Variants in MGA observed in about 807,000 individuals in gnomAD.
The protein encoded by MGA is MAX gene-associated protein.
In MGA, 40 loss-of-function variants were observed where a neutral mutation model predicts 261.1. The observed-to-expected ratio is 0.15, with a 90% CI of 0.12 to 0.20. The LOEUF (loss-of-function observed/expected upper bound fraction) is 0.20. Ranked by LOEUF, MGA falls within the 10% of genes least tolerant of loss-of-function variation. The pLI, the probability that MGA is intolerant of heterozygous loss-of-function variation, is 1.00. For synonymous variants in MGA, 1,302 were observed against 1,290.6 expected, an observed-to-expected ratio of 1.01 and a Z score of -0.19; for missense variants, 3,397 against 3,630.5, an observed-to-expected ratio of 0.94 and a Z score of 1.65.
In MGA at chr15:41,742,962, A is replaced by G. The variant is rs1595937527; in HGVS notation, c.5002A>G (p.Thr1668Ala). The stretch of plus-strand genomic sequence containing the variant: ...CCTTACCAAAACCACTGGGATAACT[A>G]CCCCTGTGGCTTCAGTTGCTTTTCC... Residue 1668 changes from threonine to alanine, a missense_variant, in exon 15 of 24, where the codon ACC (threonine) becomes GCC (alanine). Coordinates refer to ENST00000219905, the MANE Select transcript of MGA (RefSeq NM_001164273.2). 1.9e-6 allele frequency: 3 copies of G among 1,613,790 alleles called. No individual in the cohort carries two copies. The highest frequency in any genetic ancestry group is 2.5e-6 in the Non-Finnish European group (3 of 1,179,858).
At chr15:41,722,365 G>A (rs918015637) in intron 9 of MGA, among the ~76,000 whole-genome samples, 6 of 152,004 alleles carry the variant, frequency 3.9e-5, no homozygotes, top group Admixed American at 3.9e-4. Context: ...TGCTGACCTC[G>A]TGATCCGCCT....
At chr15:41,640,276 A>G (rs778035596) in intron 1 of MGA, among the ~76,000 whole-genome samples, 3 of 152,172 alleles carry the variant, frequency 2.0e-5, no homozygotes, top group African/African-American at 4.8e-5. Context: ...ATACAGCAGC[A>G]GGAAGAAGGA....
rs2063920032 is a variant in MGA at position 41,768,824 on chromosome 15, T to C, written c.*1544T>C. On this transcript the variant is annotated 3_prime_UTR_variant, in exon 24 of 24. Transcript: ENST00000219905. ...TGGATTGGATCTAGCCAGTGAATTATTATTTCCATGGTTGGTTCCCTTTCT... is the reference window on the plus strand; with the variant it reads ...TGGATTGGATCTAGCCAGTGAATTACTATTTCCATGGTTGGTTCCCTTTCT... The C allele has an allele frequency of 6.6e-6, 1 of 152,406 alleles. No individual in the cohort carries two copies. The highest frequency in any genetic ancestry group is 1.5e-5 in the Non-Finnish European group (1 of 68,032). The allele number at this position is 152,406 out of a possible 1,614,324, so 9.4% of individuals were successfully genotyped here.
intron 2 of MGA, among the ~76,000 whole-genome samples, chr15:41,685,130 T>C (rs1322877712): frequency 6.6e-6 from 1 of 152,234 alleles, no homozygotes; most frequent in Non-Finnish European, 1.5e-5. Context: ...TCTTGAATTA[T>C]TAATAATTTT....
chr15:41,756,369 T>C (rs2063148974), intron 18 of MGA, among the ~76,000 whole-genome samples: 1 of 152,198 alleles, frequency 6.6e-6, no homozygotes, highest in Non-Finnish European at 1.5e-5. Context: ...ACAGTGACTT[T>C]ACCAATTCAC....
rs2151913901 is a variant in MGA at position 41,749,266 on chromosome 15, C to T, written c.5659C>T (p.Leu1887Phe). Residue 1887 changes from leucine to phenylalanine, a missense_variant, in exon 17 of 24, where the codon CTT becomes TTT. Leu to Phe is a conservative substitution (Grantham distance 22, BLOSUM62 0). Around this residue, in one of 9 missense-constraint regions of MGA, gnomAD observed 1,410 missense variants for 1,386.4 expected, o/e 1.02. Transcript: ENST00000219905. ...TGTTATCACTCAGGCACCATCATTGCTTTCCTCTGGAGCTAGTTTTGTGTC... is the reference window on the plus strand; with the variant it reads ...TGTTATCACTCAGGCACCATCATTGTTTTCCTCTGGAGCTAGTTTTGTGTC... 6.2e-7 allele frequency: 1 copy of T among 1,614,040 alleles called. No individual in the cohort carries two copies. Among genetic ancestry groups the T allele is most frequent in the South Asian group, 1.1e-5 (1 of 91,082 alleles).
At chr15:41,627,573 T>C (rs929038818) in intron 1 of MGA, among the ~76,000 whole-genome samples, 1 of 152,248 alleles carries the variant, frequency 6.6e-6, no homozygotes, top group African/African-American at 2.4e-5. Context: ...TTTGCTTTTC[T>C]ATAGCTAATA....
rs541263144 is a variant in MGA, at chr15:41,714,006, T to C, written c.3430+510T>C. On this transcript the variant is annotated intron_variant, in intron 9 of 23. Coordinates refer to ENST00000219905, the MANE Select transcript of MGA (RefSeq NM_001164273.2). ...TTTTTTTTGGTGGGAGAGGATAAAATATGATGTAGATGTAGACCCAAGTTA... is the reference window on the plus strand; with the variant it reads ...TTTTTTTTGGTGGGAGAGGATAAAACATGATGTAGATGTAGACCCAAGTTA... Among the ~76,000 whole-genome samples the C allele has an allele frequency of 4.6e-5, 7 of 152,270 alleles. No individual in the cohort carries two copies. The South Asian group carries it at 1.5e-3, about 32-fold the overall frequency.
chr15:41,742,558 C>T lies in MGA; in HGVS notation c.4598C>T (p.Ser1533Phe), dbSNP rs2062178985. The change falls in exon 15 of 24, where the codon TCT (serine) becomes TTT (phenylalanine). Residue 1533 changes from serine to phenylalanine, a missense_variant. Ser to Phe is a radical substitution (Grantham distance 155). Transcript: ENST00000219905. ...TTTCTGTTTGCAGCGGCTCGACCCT[C>T]TCCTGGTGGTGTGTTCACACAGTTT... is the stretch of plus-strand genomic sequence containing the variant. 31 of 1,612,720 alleles carry T rather than the reference C, an allele frequency of 1.9e-5. No individual in the cohort carries two copies. Among genetic ancestry groups the T allele is most frequent in the Non-Finnish European group, 2.6e-5 (31 of 1,179,166 alleles).
chr15:41,767,014 A>G lies in MGA; in HGVS notation c.8932A>G (p.Ser2978Gly). The G allele has an allele frequency of 6.2e-7, 1 of 1,614,060 alleles. No individual in the cohort carries two copies. Among genetic ancestry groups the G allele is most frequent in the Non-Finnish European group, 8.5e-7 (1 of 1,179,910 alleles). Residue 2978 changes from serine (S) to glycine (G), a missense_variant, in exon 24 of 24, where the codon AGC becomes GGC. By Grantham distance (56) the Ser-to-Gly change is moderately conservative. Around this residue, in one of 9 missense-constraint regions of MGA, gnomAD observed 647 missense variants for 642.4 expected, o/e 1.01. Coordinates refer to ENST00000219905, the MANE Select transcript of MGA (RefSeq NM_001164273.2). Reference sequence around the variant, plus strand: ...GAAGACTGGCTTGGAGAACAGCAACAGCACAGACACTTTGTGGAGGCCTAT... The same window carrying G: ...GAAGACTGGCTTGGAGAACAGCAACGGCACAGACACTTTGTGGAGGCCTAT...
chr15:41,742,852 G>A lies in MGA; in HGVS notation c.4892G>A (p.Gly1631Asp). 2 of 1,613,862 alleles carry A rather than the reference G, an allele frequency of 1.2e-6. No homozygotes were observed. The highest frequency in any genetic ancestry group is 1.7e-6 in the Non-Finnish European group (2 of 1,179,862). ...ACTAAAGAAACTACTTATTCTTCTG[G>A]TGCCACCACTACAGGGGTTGTTGAG... is the stretch of plus-strand genomic sequence containing the variant. The change falls in exon 15 of 24, where the codon GGT (glycine) becomes GAT (aspartate). Residue 1631 changes from glycine to aspartate, a missense_variant. Gly to Asp is a moderately conservative substitution (Grantham distance 94). Transcript: ENST00000219905.
At chr15:41,673,892 T>C (rs566249140) in intron 2 of MGA, among the ~76,000 whole-genome samples, 4 of 152,132 alleles carry the variant, frequency 2.6e-5, no homozygotes, top group South Asian at 2.1e-4. Flanking sequence ...CATCTAATAC[T>C]GATTATTGTT....
intron 1 of MGA, among the ~76,000 whole-genome samples, chr15:41,662,325 A>G (rs2057462081): frequency 6.6e-6 from 1 of 152,098 alleles, no homozygotes; most frequent in Admixed American, 6.6e-5. Flanking sequence ...TCTGGCCCTG[A>G]GTTGTAGTTA....
At chr15:41,674,577 T>G (rs1017113466) in intron 2 of MGA, among the ~76,000 whole-genome samples, 1 of 152,110 alleles carries the variant, frequency 6.6e-6, no homozygotes, top group Non-Finnish European at 1.5e-5. Flanking sequence ...TGAAACGTAG[T>G]GGCGTGATCT....
rs761657192 is a variant in MGA at position 41,761,823 on chromosome 15, C to T, written c.7483C>T (p.Leu2495=). 3 of 1,588,324 alleles carry T rather than the reference C, an allele frequency of 1.9e-6. No individual in the cohort carries two copies. Among genetic ancestry groups the T allele is most frequent in the Non-Finnish European group, 2.6e-6 (3 of 1,165,700 alleles). ...TCTCCTGACTCGAAAACGGAATATT[C>T]TGATACGGAAAGTATCGTCTCTTTC... Residue 2495 remains leucine (L), a synonymous_variant, in exon 21 of 24, where the codon CTG becomes TTG. Transcript: ENST00000219905.
chr15:41,658,393 A>G (rs750406399), upstream of MGA, among the ~76,000 whole-genome samples: 1 of 152,224 alleles, frequency 6.6e-6, no homozygotes, highest in Non-Finnish European at 1.5e-5. Context: ...GAACTTTAGT[A>G]TGAGAATGCT....
intron 2 of MGA, among the ~76,000 whole-genome samples, chr15:41,677,894 T>A (rs1004926220): frequency 2.0e-5 from 3 of 152,134 alleles, no homozygotes; most frequent in Admixed American, 2.0e-4. Context: ...TTCATTCTTA[T>A]ATAGTGTGTT....
chr15:41,743,365 C>T (rs1166325753), intron 15 of MGA, among the ~76,000 whole-genome samples, 193 bp downstream of exon 15: 1 of 152,152 alleles, frequency 6.6e-6, no homozygotes, highest in East Asian at 1.9e-4. Context: ...ATGGTTAATA[C>T]GGGATTGCGA....
chr15:41,735,944 T>A (rs1262206031), intron 12 of MGA, among the ~76,000 whole-genome samples: 1 of 152,160 alleles, frequency 6.6e-6, no homozygotes, highest in Non-Finnish European at 1.5e-5. Flanking sequence ...TTTAGAGTAG[T>A]GTTAAGGGAA....
Sources: allele counts gnomAD v4.1 joint callset (sites outside exome capture counted in the v4.1 genomes callset), GRCh38; gene constraint gnomAD v4.1.1; regional missense constraint gnomAD v4.1.1; transcripts MANE v1.5; gene names NCBI Gene and HGNC (gene_info 2026-07-23, HGNC 2026-07-21).